TNIP1: variants seen among roughly 807,000 people sequenced by gnomAD.
TNIP1 encodes TNFAIP3 interacting protein 1.
Under a neutral mutation model 86.6 loss-of-function variants are expected in TNIP1, and 22 were observed. The ratio of observed to expected loss-of-function variants is 0.25; its 90% CI spans 0.18 to 0.36. TNIP1 has a LOEUF of 0.36. TNIP1 is among the 10% of genes least tolerant of loss of function. The pLI, the probability that TNIP1 is intolerant of heterozygous loss-of-function variation, is 1.00. For missense variants in TNIP1, 709 were observed against 820.6 expected (o/e 0.86, Z 1.66); for synonymous variants, 294 against 313.0 (o/e 0.94, Z 0.64).
At chr5:151,082,655 T>C (rs1347218532), upstream of TNIP1, among the ~76,000 whole-genome samples, 1 of 152,224 alleles carries the variant, frequency 6.6e-6, no homozygotes, top group Admixed American at 6.5e-5. Flanking sequence ...TTTCAGCTGT[T>C]TTTATAGCAT....
chr5:151,083,007 ACCAGGGCCTTGGAAT>A (rs1027364900), upstream of TNIP1, among the ~76,000 whole-genome samples: 6 of 146,840 alleles, frequency 4.1e-5, no homozygotes, highest in African/African-American at 1.5e-4. Context: ...GAGTGACACA[ACCAGGGCCTTGGAAT>A]CCAGGGCCTT....
chr5:151,063,858 C>T, intron 2 of TNIP1, 111 bp from the exon 3 acceptor site: 1 of 1,367,606 alleles, frequency 7.3e-7, no homozygotes, highest in Non-Finnish European at 9.9e-7. Context: ...GGCTCCAGGC[C>T]CTGGACTTCA....
intron 1 of TNIP1, among the ~76,000 whole-genome samples, chr5:151,066,762 G>A (rs6865077): frequency 9.5e-4 from 145 of 152,238 alleles, no homozygotes; most frequent in African/African-American, 3.3e-3. Context: ...TGACCCGGCC[G>A]CAATAAGAGC....
rs76896751 is a variant in TNIP1, at chr5:151,073,537, G to A, written c.-37+7343C>T. ...ATGCCCATAAAATACAAAGCAAAGT[G>A]CAGATTTATATGTGTAACAGGATGC... On this transcript the variant is annotated intron_variant, in intron 1 of 17. Coordinates refer to ENST00000521591, the MANE Select transcript of TNIP1 (RefSeq NM_006058.5). Among the ~76,000 whole-genome samples the A allele has an allele frequency of 6.6e-3, 959 of 145,408 alleles. 11 individuals are homozygous for A. The highest frequency in any genetic ancestry group is 0.025 in the African/African-American group (923 of 36,708).
intron 1 of TNIP1, among the ~76,000 whole-genome samples, chr5:151,069,809 C>T (rs866013964): frequency 1.3e-5 from 2 of 152,154 alleles, no homozygotes; most frequent in African/African-American, 4.8e-5. Flanking sequence ...TGGGCTCATT[C>T]CCTCACATGC....
chr5:151,069,321 G>C (rs570251637), intron 1 of TNIP1, among the ~76,000 whole-genome samples: 2 of 152,306 alleles, frequency 1.3e-5, no homozygotes, highest in Admixed American at 6.5e-5. Context: ...GGCTGGGTAG[G>C]GGGGTGGTCC....
In TNIP1 at chr5:151,052,145, T is replaced by G. The variant is rs1169448851; in HGVS notation, c.722+20A>C. On this transcript the variant is annotated intron_variant, in intron 7 of 17. Coordinates refer to ENST00000521591, the MANE Select transcript of TNIP1 (RefSeq NM_006058.5). ...TGCAGCCCCCACTCCTCACCCCTTC[T>G]CTGAGGGGCCTGAACTTACCGCAGC... The G allele has an allele frequency of 5.6e-6, 9 of 1,611,602 alleles. No individual in the cohort carries two copies. In the East Asian group the frequency reaches 2.0e-4, roughly 36 times the overall value.
At position 151,033,759 on chromosome 5, in the gene TNIP1, T is replaced by C. The variant is rs1757250284; in HGVS notation, c.1628A>G (p.His543Arg). The C allele has an allele frequency of 1.5e-6, 2 of 1,360,942 alleles. No individual in the cohort carries two copies. The highest frequency in any genetic ancestry group is 1.5e-5 in the African/African-American group (1 of 66,804). 84.3% of individuals were successfully genotyped at this position (1,360,942 alleles called of 1,614,324 possible). Residue 543 changes from histidine (H) to arginine (R), a missense_variant, in exon 16 of 18, where the codon CAT becomes CGT. Coordinates refer to ENST00000521591, the MANE Select transcript of TNIP1 (RefSeq NM_006058.5). ...GGCGTAGGGGTAGGCCCCGCAGAGA[T>C]GTTCTGGGTGGGGCTCCACATGGTA... ...ERYHVEPHPE[H>R]LCGAYPYAYP...
chr5:151,077,589 G>A lies in TNIP1; in HGVS notation c.-37+3291C>T, dbSNP rs138720613. ...TGCAGAGGCCCAGAGTGACAGACAC[G>A]GCACCTACCCAGGTCTGCCAAGCAC... On this transcript the variant is annotated intron_variant, in intron 1 of 17. Transcript: ENST00000521591. 1.4e-4 allele frequency among the ~76,000 whole-genome samples: 21 copies of A among 152,206 alleles called. No homozygotes were observed. The East Asian group carries it at 2.5e-3, about 18-fold the overall frequency.
At chr5:151,030,976 G>A (rs1043907263) in intron 17 of TNIP1, among the ~76,000 whole-genome samples, 1 of 152,186 alleles carries the variant, frequency 6.6e-6, no homozygotes, top group African/African-American at 2.4e-5. Context: ...GACACTAAGA[G>A]GTTTTAAATG....
intron 6 of TNIP1, among the ~76,000 whole-genome samples, chr5:151,054,344 T>C (rs1760366429): frequency 6.6e-6 from 1 of 152,124 alleles, no homozygotes; most frequent in African/African-American, 2.4e-5. Context: ...GGACACAGCC[T>C]TCAACTGGAG....
In TNIP1 at chr5:151,052,243, A is replaced by G; in HGVS notation, c.644T>C (p.Leu215Pro). 6.2e-7 allele frequency: 1 copy of G among 1,613,914 alleles called. No homozygotes were observed. The highest frequency in any genetic ancestry group is 8.5e-7 in the Non-Finnish European group (1 of 1,179,934). ...CTTCAGAGCCTCGTTCTCCTTCCGA[A>G]GCTGCTCACACAGGGTCTGTGGGGC... The part of the protein sequence containing the change: ...TSILQTLCEQ[L>P]RKENEALKAK... The change falls in exon 7 of 18, where the codon CTT becomes CCT. Residue 215 changes from leucine (L) to proline (P), a missense_variant. Physicochemically the swap from Leu to Pro is moderately conservative, Grantham distance 98. Transcript: ENST00000521591.
chr5:151,033,031 CAGG>C (rs924954079), intron 16 of TNIP1, among the ~76,000 whole-genome samples: 33 of 137,688 alleles, frequency 2.4e-4, no homozygotes, highest in Non-Finnish European at 1.2e-4. Flanking sequence ...GAGGCTAAGG[CAGG>C]AGAATAGCTT....
At position 151,035,791 on chromosome 5, in the gene TNIP1, G is replaced by C; in HGVS notation, c.1396-84C>G. The C allele has an allele frequency of 3.2e-6, 5 of 1,560,412 alleles. No individual in the cohort carries two copies. The South Asian group carries it at 5.8e-5, about 18-fold the overall frequency. On this transcript the variant is annotated intron_variant, in intron 13 of 17. Coordinates refer to ENST00000521591, the MANE Select transcript of TNIP1 (RefSeq NM_006058.5). ...TCAGGCCCAGACTCCCATGCCTCCT[G>C]CTGGGGTCACAGATGGCAGAGCTGG...
chr5:151,080,485 T>G (rs923832201), intron 1 of TNIP1: 1 of 152,084 alleles, frequency 6.6e-6, no homozygotes, highest in Admixed American at 6.6e-5. Context: ...ATTATTATTT[T>G]CCTCCTCGTG....
intron 9 of TNIP1, among the ~76,000 whole-genome samples, chr5:151,043,909 T>G (rs1758785551): frequency 6.6e-6 from 1 of 152,030 alleles, no homozygotes; most frequent in African/African-American, 2.4e-5. Flanking sequence ...CCCTACATCA[T>G]CAACTAAATA....
At chr5:151,061,231 A>T (rs924503159) in intron 4 of TNIP1, among the ~76,000 whole-genome samples, 1 of 152,084 alleles carries the variant, frequency 6.6e-6, no homozygotes, top group Non-Finnish European at 1.5e-5. Flanking sequence ...CCTTCATCCC[A>T]GAAAGGGGCA....
At chr5:151,062,300 G>T in intron 3 of TNIP1, 88 bp from the exon 4 acceptor site, 2 of 1,233,052 alleles carry the variant, frequency 1.6e-6, no homozygotes, top group Non-Finnish European at 1.2e-6. Context: ...TGACAAAAGG[G>T]TTCTCAGACA....
chr5:151,042,712 T>C (rs371297712), intron 10 of TNIP1, 41 bp from the exon 11 acceptor site: 3 of 1,611,338 alleles, frequency 1.9e-6, no homozygotes, highest in African/African-American at 1.3e-5. Context: ...GGCAAGGATG[T>C]AGAGCACTTG....
Sources: allele counts gnomAD v4.1 joint callset (sites outside exome capture counted in the v4.1 genomes callset), GRCh38; gene constraint gnomAD v4.1.1; transcripts MANE v1.5; gene names NCBI Gene and HGNC (gene_info 2026-07-23, HGNC 2026-07-21).